The following SULT2B1 variants were observed in gnomAD, a reference collection of about 807,000 sequenced individuals.
SULT2B1 encodes the protein sulfotransferase family 2B member 1.
SULT2B1 carries 16 observed loss-of-function variants against 33.2 expected under a neutral mutation model. The observed-to-expected ratio is 0.48, with a 90% confidence interval of 0.33 to 0.73. The LOEUF is 0.73. SULT2B1 is among the 30% of genes least tolerant of loss of function. The pLI is 0.02. For missense variants in SULT2B1, 500 were observed against 506.0 expected, an observed-to-expected ratio of 0.99 and a Z score of 0.11; for synonymous variants, 186 against 200.5, an observed-to-expected ratio of 0.93 and a Z score of 0.61.
At chr19:48,581,188 C>T (rs1973481765) in intron 2 of SULT2B1, among the ~76,000 whole-genome samples, 2 of 146,086 alleles carry the variant, frequency 1.4e-5, no homozygotes, top group South Asian at 2.2e-4. Context: ...AGGCATGTGC[C>T]ACCATGCCTG....
chr19:48,574,375 A>AC (rs1568407668), intron 1 of SULT2B1, among the ~76,000 whole-genome samples: 1 of 151,836 alleles, frequency 6.6e-6, no homozygotes, highest in South Asian at 2.1e-4. Flanking sequence ...TGGGGGAGGG[A>AC]CCCCCGATTT....
intron 2 of SULT2B1, among the ~76,000 whole-genome samples, chr19:48,583,337 G>A (rs1281384609): frequency 1.3e-5 from 2 of 152,074 alleles, no homozygotes; most frequent in Non-Finnish European, 2.9e-5. Context: ...TCCACTTCCA[G>A]GAATATGCCC....
chr19:48,589,012 G>A lies in SULT2B1; in HGVS notation c.423+1575G>A, dbSNP rs148557709. ...CTCTGACCGAGTGACGAGGCAGCGC[G>A]GCAGGGATCGCAGCAGAGGAGGAGC... On this transcript the variant is annotated intron_variant, in intron 3 of 6. Transcript: ENST00000201586. 1.8e-3 allele frequency among the ~76,000 whole-genome samples: 269 copies of A among 152,344 alleles called. 2 individuals are homozygous for A. Among genetic ancestry groups the A allele is most frequent in the Non-Finnish European group, 3.0e-3 (206 of 68,032 alleles).
At chr19:48,581,467 TGA>T (rs138546380) in intron 2 of SULT2B1, among the ~76,000 whole-genome samples, 2,357 of 121,594 alleles carry the variant, frequency 0.019, 80 homozygotes, top group African/African-American at 0.071. Flanking sequence ...CATTGAGATT[TGA>T]GAGTTTTTTT....
At chr19:48,567,572 T>C (rs1288076417) in intron 1 of SULT2B1, among the ~76,000 whole-genome samples, 1 of 151,766 alleles carries the variant, frequency 6.6e-6, no homozygotes, top group East Asian at 1.9e-4. Flanking sequence ...AAGAACACAG[T>C]GTTACCCGTG....
chr19:48,573,155 CAA>C (rs10589655), intron 1 of SULT2B1, among the ~76,000 whole-genome samples: 14,248 of 122,196 alleles, frequency 0.12, 839 homozygotes, highest in Non-Finnish European at 0.15. Flanking sequence ...GACTCCATCT[CAA>C]AAAAAAAAAA....
intron 5 of SULT2B1, among the ~76,000 whole-genome samples, chr19:48,593,681 A>C (rs57122425): frequency 3.0e-4 from 46 of 151,146 alleles, no homozygotes; most frequent in Middle Eastern, 3.4e-3. Context: ...GTGGCCCAGG[A>C]TGGAGTGCAA....
intron 1 of SULT2B1, among the ~76,000 whole-genome samples, chr19:48,570,477 C>A (rs974455339): frequency 2.0e-5 from 3 of 152,148 alleles, no homozygotes; most frequent in Admixed American, 2.0e-4. Flanking sequence ...CCGAGCCCGG[C>A]CAGTTCTTTT....
chr19:48,568,379 G>T (rs752636455), intron 1 of SULT2B1, among the ~76,000 whole-genome samples: 7 of 152,076 alleles, frequency 4.6e-5, no homozygotes, highest in Non-Finnish European at 1.5e-5. Context: ...GAGGTCTCTT[G>T]CTTTAGCCAA....
At chr19:48,564,997 G>T (rs1248532490) in intron 1 of SULT2B1, among the ~76,000 whole-genome samples, 1 of 151,938 alleles carries the variant, frequency 6.6e-6, no homozygotes, top group East Asian at 1.9e-4. Context: ...CACTATATTG[G>T]TCAGGCTGGT....
At chr19:48,561,088 G>A (rs374409652) in intron 1 of SULT2B1, among the ~76,000 whole-genome samples, 13 of 151,504 alleles carry the variant, frequency 8.6e-5, no homozygotes, top group African/African-American at 2.4e-4. Context: ...GGCTGAGATC[G>A]CACCACTGCA....
At chr19:48,567,179 G>T (rs1002559467) in intron 1 of SULT2B1, among the ~76,000 whole-genome samples, 1 of 152,034 alleles carries the variant, frequency 6.6e-6, no homozygotes, top group Non-Finnish European at 1.5e-5. Context: ...TGATCGCCCT[G>T]GGATATATTT....
chr19:48,562,765 T>G (rs1973198453), intron 1 of SULT2B1, among the ~76,000 whole-genome samples: 1 of 152,064 alleles, frequency 6.6e-6, no homozygotes, highest in Non-Finnish European at 1.5e-5. Context: ...TTGCAACCAC[T>G]GCCTCCCAGG....
At chr19:48,565,541 G>A (rs1312519043) in intron 1 of SULT2B1, among the ~76,000 whole-genome samples, 3 of 151,610 alleles carry the variant, frequency 2.0e-5, no homozygotes, top group African/African-American at 7.3e-5. Context: ...CACTACGCCC[G>A]GCTAATTTTT....
intron 1 of SULT2B1, among the ~76,000 whole-genome samples, chr19:48,568,617 C>G (rs2665606): frequency 0.011 from 1,678 of 152,282 alleles, 32 homozygotes; most frequent in African/African-American, 0.039. Context: ...ACAGCCCGGA[C>G]AGAGGCAGGG....
At chr19:48,570,001 G>A (rs1973298860) in intron 1 of SULT2B1, among the ~76,000 whole-genome samples, 3 of 152,054 alleles carry the variant, frequency 2.0e-5, no homozygotes, top group Admixed American at 2.0e-4. Context: ...TTGGCCATTT[G>A]TGGAACACAG....
intron 2 of SULT2B1, among the ~76,000 whole-genome samples, chr19:48,586,563 T>C (rs1324710304): frequency 6.6e-6 from 1 of 152,172 alleles, no homozygotes; most frequent in African/African-American, 2.4e-5. Context: ...ACCCAGTCTC[T>C]TGGCCCCACA....
At chr19:48,598,854 G>T (rs900538599) in intron 6 of SULT2B1, among the ~76,000 whole-genome samples, 1 of 152,120 alleles carries the variant, frequency 6.6e-6, no homozygotes, top group Non-Finnish European at 1.5e-5. Context: ...GAGGTTCTGG[G>T]CAGAGACTTA....
chr19:48,573,155 CA>C (rs10589655), intron 1 of SULT2B1, among the ~76,000 whole-genome samples: 64,350 of 122,150 alleles, frequency 0.53, 16,291 homozygotes, highest in African/African-American at 0.64. Flanking sequence ...GACTCCATCT[CA>C]AAAAAAAAAA....
Sources: allele counts gnomAD v4.1 joint callset (sites outside exome capture counted in the v4.1 genomes callset), GRCh38; gene constraint gnomAD v4.1.1; transcripts MANE v1.5; gene names NCBI Gene and HGNC (gene_info 2026-07-23, HGNC 2026-07-21).